CMTM4: variants seen among roughly 807,000 people sequenced by gnomAD.
The protein encoded by CMTM4 is CKLF like MARVEL transmembrane domain containing 4.
Under a neutral mutation model 19.0 loss-of-function variants are expected in CMTM4, and 8 were observed. The observed-to-expected ratio is 0.42, with a 90% CI of 0.25 to 0.76. The LOEUF is 0.76. Among genes scored for constraint, CMTM4 ranks in the 30% least tolerant of loss-of-function variants. CMTM4 has a pLI of 0.27. For synonymous variants in CMTM4, 106 were observed against 121.1 expected (o/e 0.88, Z 0.82); for missense variants, 228 against 290.2 (o/e 0.79, Z 1.56).
rs2015506336 is a variant in CMTM4 at position 66,615,394 on chromosome 16, G to A, written c.*6664C>T. ...AATGGCTCAGCTAGTTTACTCAAGG[G>A]TTTTGGGACCAGACATAACTCACGT... On this transcript the variant is annotated 3_prime_UTR_variant, in exon 4 of 4. Coordinates refer to ENST00000394106, the MANE Select transcript of CMTM4 (RefSeq NM_181521.3). The surrounding 1 kb of genome is among the most constrained non-coding windows in gnomAD (Gnocchi z 4.9). 6.6e-6 allele frequency: 1 copy of A among 152,170 alleles called. No homozygotes were observed. Among genetic ancestry groups the A allele is most frequent in the African/African-American group, 2.4e-5 (1 of 41,430 alleles). 9.4% of individuals were successfully genotyped at this position (152,170 alleles called of 1,614,324 possible).
At chr16:66,691,612 G>A (rs2017136328) in intron 1 of CMTM4, among the ~76,000 whole-genome samples, 2 of 152,156 alleles carry the variant, frequency 1.3e-5, no homozygotes, top group Admixed American at 1.3e-4. Context: ...GAGGTGGAAG[G>A]ATCACCTGAG....
In CMTM4 at chr16:66,619,992, C is replaced by T; in HGVS notation, c.*2066G>A. 2.0e-6 allele frequency: 2 copies of T among 985,384 alleles called. No homozygotes were observed. The highest frequency in any genetic ancestry group is 1.1e-4 in the East Asian group (1 of 8,794). 61.0% of individuals were successfully genotyped at this position (985,384 alleles called of 1,614,324 possible). A position where few individuals can be genotyped will look rare whatever the true frequency, so the allele number is the denominator to read the frequency against. On this transcript the variant is annotated 3_prime_UTR_variant, in exon 4 of 4. Transcript: ENST00000394106. ...ATCCTCAGGAGGCCAACCACCTGCC[C>T]CCCTCTTTCACCAGATGATCAAGTG...
downstream of CMTM4, chr16:66,613,113 G>C (rs1298033058): frequency 1.4e-6 from 1 of 703,068 alleles, no homozygotes; most frequent in Admixed American, 2.0e-5. Flanking sequence ...CAGCCACTTT[G>C]GTGACAATGA....
At chr16:66,666,570 A>G (rs2016598376) in intron 1 of CMTM4, among the ~76,000 whole-genome samples, 1 of 152,372 alleles carries the variant, frequency 6.6e-6, no homozygotes, top group South Asian at 2.1e-4. Flanking sequence ...TCAAAATTCA[A>G]TAGTAAGAAA....
chr16:66,656,340 T>C (rs1240334377), intron 1 of CMTM4, among the ~76,000 whole-genome samples: 1 of 152,118 alleles, frequency 6.6e-6, no homozygotes, highest in Non-Finnish European at 1.5e-5. Context: ...TTAAAACTAA[T>C]GAATGAAAGG....
chr16:66,598,702 A>G, the CMTM4 span, among the ~76,000 whole-genome samples: 20 of 152,180 alleles, frequency 1.3e-4, no homozygotes, highest in Admixed American at 6.5e-5. Flanking sequence ...TTCCCTCAGC[A>G]TGCTGTCTGC....
intron 1 of CMTM4, among the ~76,000 whole-genome samples, chr16:66,677,704 GA>G (rs2016833654): frequency 6.6e-6 from 1 of 151,784 alleles, no homozygotes; most frequent in Admixed American, 6.6e-5. Flanking sequence ...AGGTGGTCAA[GA>G]TTTTTTTTTT....
chr16:66,622,206 G>T lies in CMTM4; in HGVS notation c.479C>A (p.Ala160Glu). The stretch of plus-strand genomic sequence containing the variant: ...TGTGTTCACTGCATATGCCGCAGTC[G>T]CCAAGAAGCCAAATATCTAAAAACA... ...EIAAVIFGFL[A>E]TAAYAVNTFL... Residue 160 changes from alanine to glutamate, a missense_variant, in exon 4 of 4, where the codon GCG (alanine) becomes GAG (glutamate). Transcript: ENST00000394106. This position sits in a 1 kb window ranked among gnomAD's most constrained non-coding sequence, Gnocchi z 4.0. The T allele has an allele frequency of 6.2e-7, 1 of 1,613,676 alleles. No homozygotes were observed. Among genetic ancestry groups the T allele is most frequent in the Non-Finnish European group, 8.5e-7 (1 of 1,179,930 alleles).
At chr16:66,609,994 A>C, downstream of CMTM4, 1 of 1,614,162 alleles carries the variant, frequency 6.2e-7, no homozygotes, top group Non-Finnish European at 8.5e-7. The surrounding 1 kb of genome is among the most constrained non-coding windows in gnomAD (Gnocchi z 4.4). Context: ...CACAGCCCAC[A>C]AGACAGAAGG....
rs539770229 is a variant in CMTM4, at chr16:66,631,277, G to A, written c.363+5128C>T. Among the ~76,000 whole-genome samples, 429 of 147,194 alleles carry A rather than the reference G, an allele frequency of 2.9e-3. 2 individuals carry two copies. The highest frequency in any genetic ancestry group is 0.01 in the African/African-American group (407 of 39,476). ...GAGGGAGGTGGGGGGTCAGCCCCCC[G>A]CCCGGCCAGCCGCCCGGTCCGGGAG... On this transcript the variant is annotated intron_variant, in intron 2 of 3. Transcript: ENST00000394106.
At position 66,618,122 on chromosome 16, in the gene CMTM4, C is replaced by T; in HGVS notation, c.*3936G>A. 1.0e-6 allele frequency: 1 copy of T among 985,450 alleles called. No individual in the cohort carries two copies. The highest frequency in any genetic ancestry group is 1.2e-6 in the Non-Finnish European group (1 of 829,964). The allele number at this position is 985,450 out of a possible 1,614,324, so 61.0% of individuals were successfully genotyped here. A position where few individuals can be genotyped will look rare whatever the true frequency, so the allele number is the denominator to read the frequency against. ...ACAAACCTGGAAAAAACCCTGGATTCTGCAACTTCACTAGGAAATAACAAG... is the reference window on the plus strand; with the variant it reads ...ACAAACCTGGAAAAAACCCTGGATTTTGCAACTTCACTAGGAAATAACAAG... On this transcript the variant is annotated 3_prime_UTR_variant, in exon 4 of 4. Transcript: ENST00000394106.
chr16:66,665,963 T>C (rs897862269), intron 1 of CMTM4, among the ~76,000 whole-genome samples: 12 of 151,544 alleles, frequency 7.9e-5, no homozygotes, highest in Admixed American at 6.6e-5. Context: ...TCCCAGCTAC[T>C]TGGGAGGCTC....
At chr16:66,687,138 CTT>C (rs35098269) in intron 1 of CMTM4, among the ~76,000 whole-genome samples, 8,062 of 131,264 alleles carry the variant, frequency 0.061, 309 homozygotes, top group Admixed American at 0.13. Context: ...GTGCAGAATG[CTT>C]TTTTTTTTTT....
chr16:66,640,801 C>G lies in CMTM4; in HGVS notation c.187-4220G>C, dbSNP rs146230653. Among the ~76,000 whole-genome samples, 799 of 152,250 alleles carry G rather than the reference C, an allele frequency of 5.2e-3. 5 individuals carry two copies. Among genetic ancestry groups the G allele is most frequent in the African/African-American group, 0.017 (688 of 41,540 alleles). On this transcript the variant is annotated intron_variant, in intron 1 of 3. Transcript: ENST00000394106. ...TTAGACCACTCATGATGGGGAAAAA[C>G]CAGCTGCCATGTCTTGAGGGTACTC...
chr16:66,672,611 A>C (rs557463111), intron 1 of CMTM4, among the ~76,000 whole-genome samples: 78 of 151,824 alleles, frequency 5.1e-4, no homozygotes, highest in Non-Finnish European at 6.3e-4. Context: ...CTGATTCTTA[A>C]GGGTCACTTT....
intron 1 of CMTM4, among the ~76,000 whole-genome samples, chr16:66,671,251 T>C (rs2016700891): frequency 6.6e-6 from 1 of 152,084 alleles, no homozygotes; most frequent in African/African-American, 2.4e-5. Context: ...AGGGAAGCCT[T>C]CTCAAAGAGA....
chr16:66,636,553 A>G lies in CMTM4; in HGVS notation c.215T>C (p.Ile72Thr), dbSNP rs1487796630. 6.2e-7 allele frequency: 1 copy of G among 1,614,204 alleles called. No homozygotes were observed. Among genetic ancestry groups the G allele is most frequent in the South Asian group, 1.1e-5 (1 of 91,086 alleles). ...VILALIAFICIETIMACSPCE... is the reference protein window; with the variant it reads ...VILALIAFICTETIMACSPCE... ...CGGGGAGCATGCCATGATGGTCTCT[A>G]TGCAGATGAATGCAATCAGGGCCAA... Residue 72 changes from isoleucine to threonine, a missense_variant, in exon 2 of 4, where the codon ATA (isoleucine) becomes ACA (threonine). Physicochemically the swap from Ile to Thr is moderately conservative, Grantham distance 89. Transcript: ENST00000394106.
At chr16:66,631,176 C>A (rs1418227503) in intron 2 of CMTM4, among the ~76,000 whole-genome samples, 2 of 149,056 alleles carry the variant, frequency 1.3e-5, no homozygotes, top group African/African-American at 4.9e-5. Flanking sequence ...TGGGGGTCAG[C>A]CCCCGCCCGG....
chr16:66,683,286 CTTTTTTTTTT>C (rs781263895), intron 1 of CMTM4, among the ~76,000 whole-genome samples: 1 of 78,840 alleles, frequency 1.3e-5, no homozygotes, highest in Non-Finnish European at 2.4e-5. Context: ...TTTTTCTTTT[CTTTTTTTTTT>C]TTTTTTTTTT....
Sources: gnomAD v4.1 joint callset for allele counts (sites outside exome capture counted in the v4.1 genomes callset) on GRCh38, gnomAD v4.1.1 for gene constraint, Gnocchi (gnomAD v3.1) non-coding constraint, MANE v1.5 for transcripts, NCBI Gene and HGNC (gene_info 2026-07-23, HGNC 2026-07-21) for gene names.